TUBGCP6: variants seen among roughly 807,000 people sequenced by gnomAD.
TUBGCP6 encodes the protein gamma-tubulin complex component 6.
In TUBGCP6, 161 loss-of-function variants were observed where a neutral mutation model predicts 175.8. The observed-to-expected ratio is 0.92, with a 90% confidence interval of 0.81 to 1.04. The LOEUF is 1.04. Among genes scored for constraint, TUBGCP6 ranks in the 50% least tolerant of loss-of-function variants. The pLI is 0.00. For missense variants in TUBGCP6, 2,572 were observed against 2,433.0 expected, an observed-to-expected ratio of 1.06 and a Z score of -1.20; for synonymous variants, 1,173 against 1,030.5, an observed-to-expected ratio of 1.14 and a Z score of -2.65.
chr22:50,233,992 T>C (rs374038646), intron 2 of TUBGCP6, among the ~76,000 whole-genome samples: 72 of 148,654 alleles, frequency 4.8e-4, no homozygotes, highest in African/African-American at 1.7e-3. Context: ...TCCCTGTTCA[T>C]GGCAGCATCA....
At position 50,221,301 on chromosome 22, in the gene TUBGCP6, G is replaced by A. The variant is rs1555907559; in HGVS notation, c.3058C>T (p.Gln1020Ter). 1.2e-6 allele frequency: 2 copies of A among 1,613,788 alleles called. No individual in the cohort carries two copies. The highest frequency in any genetic ancestry group is 1.7e-6 in the Non-Finnish European group (2 of 1,180,028). ...RRAALEEGSS[Q>*]PTERLFGQVS... Reference sequence around the variant, plus strand: ...TGCCCAAAGAGCCGCTCTGTGGGCTGGCTGCTCCCCTCCTCCAGAGCAGCA... The same window carrying A: ...TGCCCAAAGAGCCGCTCTGTGGGCTAGCTGCTCCCCTCCTCCAGAGCAGCA... Residue 1020 changes from glutamine to a stop codon, truncating the protein, a stop_gained, in exon 16 of 25, where the codon CAG becomes TAG. Coordinates refer to ENST00000248846, the MANE Select transcript of TUBGCP6 (RefSeq NM_020461.4). LOFTEE classifies it high-confidence loss of function.
intron 2 of TUBGCP6, among the ~76,000 whole-genome samples, chr22:50,234,967 C>T (rs1417231413): frequency 2.6e-5 from 4 of 151,300 alleles, no homozygotes; most frequent in African/African-American, 9.7e-5. Context: ...ATGGCAGCAT[C>T]CACACCCAGG....
chr22:50,219,935 C>A, intron 17 of TUBGCP6, 22 bp downstream of exon 17: 1 of 1,613,840 alleles, frequency 6.2e-7, no homozygotes, highest in Non-Finnish European at 8.5e-7. Context: ...GCTGTGGGAC[C>A]CCCAGGCTGC....
intron 2 of TUBGCP6, among the ~76,000 whole-genome samples, chr22:50,236,519 C>A (rs191142799): frequency 2.1e-3 from 318 of 152,290 alleles, no homozygotes; most frequent in African/African-American, 7.4e-3. Flanking sequence ...GGAAATTTGC[C>A]TTCTGCTGGT....
chr22:50,222,738 G>T, intron 13 of TUBGCP6, 146 bp from the exon 14 acceptor site: 2 of 1,187,034 alleles, frequency 1.7e-6, no homozygotes, highest in Non-Finnish European at 2.3e-6. Flanking sequence ...TGATAGCTCT[G>T]GGCCCTCACA....
At chr22:50,221,950 C>G in intron 15 of TUBGCP6, 76 bp from the exon 16 acceptor site, 2 of 1,593,022 alleles carry the variant, frequency 1.3e-6, no homozygotes, top group Non-Finnish European at 8.6e-7. Flanking sequence ...AAGTTCAGCT[C>G]TGCAGCCATG....
chr22:50,218,538 T>C lies in TUBGCP6; in HGVS notation c.4904A>G (p.Lys1635Arg). ...GTCCTTGAGCGCCCACATCATGAGC[T>C]TCAGCTGCAGCAGGAAGGAGAAGAC... Reference protein sequence around the residue: ...SGVFSFLLQLKLMMWALKDVC... With the variant: ...SGVFSFLLQLRLMMWALKDVC... Residue 1635 changes from lysine (K) to arginine (R), a missense_variant, in exon 22 of 25, where the codon AAG becomes AGG. Physicochemically the swap from Lys to Arg is conservative, Grantham distance 26 (BLOSUM62 2). Transcript: ENST00000248846. The C allele has an allele frequency of 1.2e-6, 2 of 1,613,698 alleles. No homozygotes were observed. Among genetic ancestry groups the C allele is most frequent in the Non-Finnish European group, 1.7e-6 (2 of 1,179,958 alleles).
rs1294641118 is a variant in TUBGCP6, at chr22:50,244,452, C to T, written c.8G>A (p.Ser3Asn). 2 of 1,609,230 alleles carry T rather than the reference C, an allele frequency of 1.2e-6. No homozygotes were observed. The highest frequency in any genetic ancestry group is 1.1e-5 in the South Asian group (1 of 90,874). MA[S>N]ITQLFDDLCE... ...CAGGTCGTCGAACAGCTGCGTGATG[C>T]TGGCCATGCCCCTTCTCAGCTCCGG... The change falls in exon 1 of 25, where the codon AGC (serine) becomes AAC (asparagine). Residue 3 changes from serine to asparagine, a missense_variant. Physicochemically the swap from Ser to Asn is conservative, Grantham distance 46 (BLOSUM62 1). Transcript: ENST00000248846.
chr22:50,239,950 G>A (rs974340610), intron 2 of TUBGCP6, among the ~76,000 whole-genome samples: 1 of 152,152 alleles, frequency 6.6e-6, no homozygotes. Context: ...GGCACAGGGA[G>A]GGGAGTTCTG....
intron 3 of TUBGCP6, among the ~76,000 whole-genome samples, chr22:50,230,087 G>A (rs191489401): frequency 2.0e-5 from 3 of 152,142 alleles, no homozygotes; most frequent in East Asian, 3.9e-4. Flanking sequence ...AAATACCCAC[G>A]TTAGAAAGGA....
intron 1 of TUBGCP6, among the ~76,000 whole-genome samples, chr22:50,242,684 G>C (rs969004915): frequency 6.6e-6 from 1 of 152,214 alleles, no homozygotes; most frequent in African/African-American, 2.4e-5. Flanking sequence ...AGCCTCAGGC[G>C]ACAGACAGCA....
chr22:50,244,161 G>T lies in TUBGCP6; in HGVS notation c.299C>A (p.Pro100His). Reference protein sequence around the residue: ...EELVEELEAAPCCPLLEVGSV... With the variant: ...EELVEELEAAHCCPLLEVGSV... ...CCCCACCTCCAAAAGCGGACAGCAA[G>T]GGGCTGCTTCCAGCTCCTCCACAAG... Residue 100 changes from proline (P) to histidine (H), a missense_variant, in exon 1 of 25, where the codon CCT (proline) becomes CAT (histidine). Transcript: ENST00000248846. 6.2e-7 allele frequency: 1 copy of T among 1,613,428 alleles called. No individual in the cohort carries two copies. Among genetic ancestry groups the T allele is most frequent in the Non-Finnish European group, 8.5e-7 (1 of 1,180,038 alleles).
rs1157002082 is a variant in TUBGCP6, at chr22:50,221,381, T to A, written c.2978A>T (p.Asp993Val). The change falls in exon 16 of 25, where the codon GAT (aspartate) becomes GTT (valine). Residue 993 changes from aspartate (D) to valine (V), a missense_variant. Asp to Val is a radical substitution (Grantham distance 152). Transcript: ENST00000248846. ...QLWEDSCGKM[D>V]ACGSASRETL... ...CTCCCGCGAGGCGGAGCCACAGGCA[T>A]CCATCTTCCCACAACTGTCCTCCCA... 10 of 1,609,248 alleles carry A rather than the reference T, an allele frequency of 6.2e-6. No homozygotes were observed. The highest frequency in any genetic ancestry group is 8.5e-6 in the Non-Finnish European group (10 of 1,179,698).
intron 2 of TUBGCP6, among the ~76,000 whole-genome samples, chr22:50,235,348 G>GGTAACATCCACATGCCTGTCCACA (rs2064763402): frequency 7.5e-5 from 1 of 13,258 alleles, no homozygotes; most frequent in African/African-American, 1.5e-3. Context: ...CCCCGTCCAC[G>GGTAACATCCACATGCCTGTCCACA]GCAACAACAT....
Position 50,227,005 on chromosome 22 carries a change from A to T in TUBGCP6, c.1485T>A (p.Phe495Leu). Residue 495 changes from phenylalanine (F) to leucine (L), a missense_variant, in exon 6 of 25, where the codon TTT (phenylalanine) becomes TTA (leucine). Coordinates refer to ENST00000248846, the MANE Select transcript of TUBGCP6 (RefSeq NM_020461.4). ...GCAGGGACGCACAACTCACGGTGGG[A>T]AACGCGGCCCTGGGGCCTCCTCCAC... ...GTCGGGPRAA[F>L]PTGVKLLSYL... is the part of the protein sequence containing the mutation. 1.2e-6 allele frequency: 2 copies of T among 1,611,920 alleles called. No homozygotes were observed. The highest frequency in any genetic ancestry group is 2.2e-5 in the South Asian group (2 of 90,722).
At chr22:50,234,339 A>ATCCACACCCAGGTACACGGCAGCATCT (rs2064735786) in intron 2 of TUBGCP6, among the ~76,000 whole-genome samples, 1 of 127,204 alleles carries the variant, frequency 7.9e-6, no homozygotes, top group East Asian at 2.5e-4. Flanking sequence ...CCACAGCAGC[A>ATCCACACCCAGGTACACGGCAGCATCT]TCCACACCCC....
intron 2 of TUBGCP6, among the ~76,000 whole-genome samples, chr22:50,239,694 C>A (rs932298821): frequency 2.0e-5 from 3 of 152,220 alleles, no homozygotes; most frequent in African/African-American, 7.2e-5. Context: ...CTCCTCCAGA[C>A]ACGGACGGAA....
Position 50,221,645 on chromosome 22 carries a change from C to G in TUBGCP6, c.2714G>C (p.Gly905Ala), listed in dbSNP as rs376698900. 6.6e-7 allele frequency: 1 copy of G among 1,524,720 alleles called. No homozygotes were observed. Among genetic ancestry groups the G allele is most frequent in the Non-Finnish European group, 8.8e-7 (1 of 1,136,396 alleles). 94.4% of individuals were successfully genotyped at this position (1,524,720 alleles called of 1,614,324 possible). Residue 905 changes from glycine (G) to alanine (A), a missense_variant, in exon 16 of 25, where the codon GGG becomes GCG. Coordinates refer to ENST00000248846, the MANE Select transcript of TUBGCP6 (RefSeq NM_020461.4). ...SIGDFLPVGPGAEPSVQTGMV... is the reference protein window; with the variant it reads ...SIGDFLPVGPAAEPSVQTGMV... ...GCCAGTCTGCACGGACGGCTCAGCC[C>G]CTGGGCCCACAGGTAGGAAGTCTCC... is the stretch of plus-strand genomic sequence containing the variant.
At chr22:50,240,110 C>T (rs557253100) in intron 2 of TUBGCP6, 94 bp downstream of exon 2, 2 of 1,543,760 alleles carry the variant, frequency 1.3e-6, no homozygotes, top group African/African-American at 1.4e-5. Flanking sequence ...CTGCCTGGAC[C>T]CCTGAGTACA....
Sources: gnomAD v4.1 joint callset for allele counts (sites outside exome capture counted in the v4.1 genomes callset) on GRCh38, gnomAD v4.1.1 for gene constraint, MANE v1.5 for transcripts, NCBI Gene and HGNC (gene_info 2026-07-23, HGNC 2026-07-21) for gene names.